KLHL4: variants seen among roughly 807,000 people sequenced by gnomAD.
The protein encoded by KLHL4 is kelch-like protein 4.
KLHL4 carries 17 observed loss-of-function variants against 45.8 expected under a neutral mutation model. The ratio of observed to expected loss-of-function variants is 0.37; its 90% CI spans 0.25 to 0.56. The LOEUF (loss-of-function observed/expected upper bound fraction) is 0.56. Among genes scored for constraint, KLHL4 ranks in the 20% least tolerant of loss-of-function variants. KLHL4 has a pLI of 0.79. For missense variants in KLHL4, 544 were observed against 544.9 expected, an observed-to-expected ratio of 1.00 and a Z score of 0.02; for synonymous variants, 224 against 189.9, an observed-to-expected ratio of 1.18 and a Z score of -1.47.
chrX:87,600,796 T>G (rs1289045573), intron 1 of KLHL4, among the ~76,000 whole-genome samples: 1 of 112,326 alleles, frequency 8.9e-6, no homozygotes, highest in East Asian at 2.8e-4. Flanking sequence ...TCTGGAAATA[T>G]TATTTCAGTG....
At chrX:87,641,802 A>T (rs1923469283) in intron 9 of KLHL4, among the ~76,000 whole-genome samples, 1 of 110,373 alleles carries the variant, frequency 9.1e-6, no homozygotes, top group South Asian at 3.9e-4. Context: ...TGCATGACTC[A>T]GCAGAGGCAG....
chrX:87,519,151 T>A (rs1930951945), intron 1 of KLHL4, among the ~76,000 whole-genome samples: 1 of 112,109 alleles, frequency 8.9e-6, no homozygotes, highest in Admixed American at 9.6e-5. Flanking sequence ...TTTTGCTTTT[T>A]CACTATCAGA....
At chrX:87,660,741 G>A (rs1326584825) in intron 9 of KLHL4, among the ~76,000 whole-genome samples, 1 of 112,552 alleles carries the variant, frequency 8.9e-6, no homozygotes, top group Non-Finnish European at 1.9e-5. Flanking sequence ...GTACTGGGGA[G>A]GCTGAGGCAT....
rs1355039471 is a variant in KLHL4, at chrX:87,667,928, C to T, written c.*1394C>T. The T allele has an allele frequency of 2.0e-5, 14 of 686,786 alleles. No homozygotes were observed. Among genetic ancestry groups the T allele is most frequent in the African/African-American group, 4.8e-5 (2 of 42,095 alleles). 56.6% of individuals were successfully genotyped at this position (686,786 alleles called of 1,213,427 possible). The stretch of plus-strand genomic sequence containing the variant: ...ACTGAATTTAAATAAACTTTATTTC[C>T]TCTCACTATAGTGTGGCTTTAGAAT... On this transcript the variant is annotated 3_prime_UTR_variant, in exon 11 of 11. Transcript: ENST00000373119.
intron 9 of KLHL4, among the ~76,000 whole-genome samples, chrX:87,659,590 T>A (rs182940909): frequency 0.022 from 713 of 32,963 alleles, 7 homozygotes; most frequent in African/African-American, 0.04. Flanking sequence ...TTTATTATAT[T>A]TTTTTTAACT....
intron 3 of KLHL4, among the ~76,000 whole-genome samples, chrX:87,616,206 A>G (rs1922551092): frequency 9.0e-6 from 1 of 111,099 alleles, no homozygotes; most frequent in Non-Finnish European, 1.9e-5. Flanking sequence ...AATTTGAGGT[A>G]CTGAAATTTC....
intron 1 of KLHL4, among the ~76,000 whole-genome samples, chrX:87,543,336 C>T (rs754150768): frequency 9.0e-6 from 1 of 111,119 alleles, no homozygotes; most frequent in Non-Finnish European, 1.9e-5. Context: ...AATTGTCCTC[C>T]CAAAAAAGGA....
intron 9 of KLHL4, among the ~76,000 whole-genome samples, chrX:87,642,013 C>T (rs945775835): frequency 2.7e-5 from 3 of 109,142 alleles, no homozygotes; most frequent in Admixed American, 9.8e-5. Flanking sequence ...GCCCCACCCA[C>T]GGCCAGTCCC....
At chrX:87,519,942 G>T (rs1195142808) in intron 1 of KLHL4, among the ~76,000 whole-genome samples, 3 of 111,897 alleles carry the variant, frequency 2.7e-5, no homozygotes, top group Non-Finnish European at 5.6e-5. Context: ...CACATTTAAA[G>T]CGTCATCAAG....
chrX:87,625,812 A>C lies in KLHL4; in HGVS notation c.1324+16A>C, dbSNP rs775595775. ...GCTATGAAAGGTAAAAATAACTTAG[A>C]GTGTCTTCATTCAAAAAAGATACAT... On this transcript the variant is annotated intron_variant, in intron 6 of 10. Transcript: ENST00000373119. 1.7e-6 allele frequency: 2 copies of C among 1,146,321 alleles called. No homozygotes were observed. The highest frequency in any genetic ancestry group is 3.6e-5 in the African/African-American group (2 of 55,327). The allele number at this position is 1,146,321 out of a possible 1,213,427, so 94.5% of individuals were successfully genotyped here. A position where few individuals can be genotyped will look rare whatever the true frequency, so the allele number is the denominator to read the frequency against.
chrX:87,568,437 C>T (rs1452046833), intron 1 of KLHL4, among the ~76,000 whole-genome samples: 3 of 78,296 alleles, frequency 3.8e-5, no homozygotes, highest in African/African-American at 1.5e-4. Context: ...TAATTGTAAA[C>T]GTTAGATATA....
intron 1 of KLHL4, among the ~76,000 whole-genome samples, chrX:87,576,339 C>T (rs1418921384): frequency 1.8e-5 from 2 of 111,088 alleles, no homozygotes; most frequent in South Asian, 3.7e-4. Context: ...AGAAAAAAAA[C>T]TTTATATGCC....
intron 6 of KLHL4, among the ~76,000 whole-genome samples, chrX:87,626,099 A>C (rs1229821258): frequency 2.7e-5 from 3 of 112,119 alleles, no homozygotes; most frequent in African/African-American, 9.7e-5. Flanking sequence ...TGAACCCGAA[A>C]GTATGTGAGA....
In KLHL4 at chrX:87,668,155, C is replaced by G. The variant is rs1924434872; in HGVS notation, c.*1621C>G. ...GAGGCTGTGAAACACACATACAGCCCTGTTAGGTCTTTTGAATTCACACCT... is the reference window on the plus strand; with the variant it reads ...GAGGCTGTGAAACACACATACAGCCGTGTTAGGTCTTTTGAATTCACACCT... On this transcript the variant is annotated 3_prime_UTR_variant, in exon 11 of 11. Transcript: ENST00000373119. The G allele has an allele frequency of 3.2e-5, 24 of 748,920 alleles. No individual in the cohort carries two copies. Among genetic ancestry groups the G allele is most frequent in the Non-Finnish European group, 3.8e-5 (24 of 634,374 alleles). 61.7% of individuals were successfully genotyped at this position (748,920 alleles called of 1,213,427 possible).
intron 1 of KLHL4, among the ~76,000 whole-genome samples, chrX:87,598,061 T>C (rs1921894899): frequency 9.1e-6 from 1 of 110,368 alleles, no homozygotes; most frequent in African/African-American, 3.3e-5. Flanking sequence ...ATTATTACTA[T>C]TTCTATTCTG....
chrX:87,638,500 T>A (rs1602457564), intron 9 of KLHL4, among the ~76,000 whole-genome samples: 1 of 112,112 alleles, frequency 8.9e-6, no homozygotes, highest in South Asian at 3.7e-4. Flanking sequence ...GATATTTTAG[T>A]AGAAACTCTA....
At chrX:87,556,765 A>T (rs1200291733) in intron 1 of KLHL4, among the ~76,000 whole-genome samples, 1 of 96,365 alleles carries the variant, frequency 1.0e-5, no homozygotes, top group Non-Finnish European at 2.0e-5. Context: ...ATTCTGAGAA[A>T]GTGCTACCAT....
chrX:87,528,613 G>C (rs1476753885), intron 1 of KLHL4, among the ~76,000 whole-genome samples: 1 of 104,972 alleles, frequency 9.5e-6, no homozygotes, highest in Non-Finnish European at 1.9e-5. Flanking sequence ...AACTCGAGAG[G>C]CTGAGGCAGG....
At chrX:87,565,369 A>G (rs897235745) in intron 1 of KLHL4, among the ~76,000 whole-genome samples, 2 of 111,781 alleles carry the variant, frequency 1.8e-5, no homozygotes, top group African/African-American at 6.5e-5. Flanking sequence ...TAAAAGACCT[A>G]GTAAAATTGA....
Sources: allele counts gnomAD v4.1 joint callset (sites outside exome capture counted in the v4.1 genomes callset), GRCh38; gene constraint gnomAD v4.1.1; transcripts MANE v1.5; gene names NCBI Gene and HGNC (gene_info 2026-07-23, HGNC 2026-07-21).